IGFBP7: variants seen among roughly 807,000 people sequenced by gnomAD.
IGFBP7 encodes the protein insulin like growth factor binding protein 7.
In IGFBP7, 31 loss-of-function variants were observed where a neutral mutation model predicts 29.4. That is an observed-to-expected ratio of 1.05 (90% CI 0.79 to 1.42). The LOEUF is 1.42. IGFBP7 is among the 40% of genes most tolerant of loss of function. The pLI is 0.00. For missense variants in IGFBP7, 393 were observed against 395.5 expected (o/e 0.99, Z 0.05); for synonymous variants, 172 against 174.9 (o/e 0.98, Z 0.13).
At chr4:57,034,442 T>C (rs1241310910) in intron 2 of IGFBP7, among the ~76,000 whole-genome samples, 3 of 152,172 alleles carry the variant, frequency 2.0e-5, no homozygotes, top group Admixed American at 6.5e-5. Context: ...ATTACCTTTG[T>C]AATTAGAAAG....
chr4:57,110,103 C>A lies in IGFBP7; in HGVS notation c.249G>T (p.Pro83=). The change falls in exon 1 of 5, where the codon CCG becomes CCT. Residue 83 remains proline, a synonymous_variant. Coordinates refer to ENST00000295666, the MANE Select transcript of IGFBP7 (RefSeq NM_001553.3). The stretch of plus-strand genomic sequence containing the variant: ...TGCGGCTCTTCACGCACTCCATGCC[C>A]GGCGCGCAGTACCCCCTGCCGGCGC... ...GGGAGRGYCA[P]GMECVKSRKR... 6.5e-7 allele frequency: 1 copy of A among 1,533,448 alleles called. No individual in the cohort carries two copies. Among genetic ancestry groups the A allele is most frequent in the Non-Finnish European group, 8.7e-7 (1 of 1,146,796 alleles). 95.0% of individuals were successfully genotyped at this position (1,533,448 alleles called of 1,614,324 possible). A position where few individuals can be genotyped will look rare whatever the true frequency, so the allele number is the denominator to read the frequency against.
At chr4:57,050,506 A>G (rs569400773) in intron 1 of IGFBP7, among the ~76,000 whole-genome samples, 2 of 151,910 alleles carry the variant, frequency 1.3e-5, no homozygotes, top group Non-Finnish European at 2.9e-5. Flanking sequence ...CAGCCTCCCA[A>G]AGAGCTAGGA....
chr4:57,094,553 G>T (rs1725717569), intron 1 of IGFBP7, among the ~76,000 whole-genome samples: 1 of 152,162 alleles, frequency 6.6e-6, no homozygotes, highest in African/African-American at 2.4e-5. Context: ...TTGTAGGAGG[G>T]TGCAGGGCAA....
At chr4:57,101,813 C>T (rs1003903310) in intron 1 of IGFBP7, among the ~76,000 whole-genome samples, 5 of 151,902 alleles carry the variant, frequency 3.3e-5, no homozygotes, top group African/African-American at 1.2e-4. Flanking sequence ...GGAAGCTTCC[C>T]TTGAACATTT....
intron 1 of IGFBP7, among the ~76,000 whole-genome samples, chr4:57,046,730 C>T (rs188530545): frequency 8.6e-5 from 13 of 151,894 alleles, no homozygotes; most frequent in South Asian, 2.1e-4. Context: ...AATGACTGTG[C>T]GCTGCCTCCC....
chr4:57,105,464 C>T (rs529578785), intron 1 of IGFBP7, among the ~76,000 whole-genome samples: 1 of 152,302 alleles, frequency 6.6e-6, no homozygotes, highest in South Asian at 2.1e-4. Flanking sequence ...GGAGCAAAAT[C>T]TCCCTTCCCA....
At chr4:57,043,722 G>A (rs1347579899) in intron 1 of IGFBP7, among the ~76,000 whole-genome samples, 2 of 152,158 alleles carry the variant, frequency 1.3e-5, no homozygotes, top group Non-Finnish European at 2.9e-5. Context: ...TCCTGGCCAG[G>A]GGGCTTGGCT....
chr4:57,076,645 C>A (rs1725234224), intron 1 of IGFBP7, among the ~76,000 whole-genome samples: 1 of 152,134 alleles, frequency 6.6e-6, no homozygotes, highest in Non-Finnish European at 1.5e-5. Context: ...GTCTGAAAAC[C>A]AGCTTAGAAG....
rs368818343 is a variant in IGFBP7 at position 57,110,028 on chromosome 4, G to T, written c.324C>A (p.Ser108Arg). 6.4e-7 allele frequency: 1 copy of T among 1,556,066 alleles called. No individual in the cohort carries two copies. The highest frequency in any genetic ancestry group is 8.6e-7 in the Non-Finnish European group (1 of 1,156,978). Residue 108 changes from serine to arginine, a missense_variant, in exon 1 of 5, where the codon AGC becomes AGA. By Grantham distance (110) the Ser-to-Arg change is moderately radical (BLOSUM62 -1). Transcript: ENST00000295666. ...AGCGGCTCTTGCACACGCACACGCCGCTTACACCCGGACCGCCGGCTGCTG... is the reference window on the plus strand; with the variant it reads ...AGCGGCTCTTGCACACGCACACGCCTCTTACACCCGGACCGCCGGCTGCTG... ...AGAAAGGPGV[S>R]GVCVCKSRYP... is the part of the protein sequence containing the mutation.
intron 1 of IGFBP7, among the ~76,000 whole-genome samples, chr4:57,079,248 T>TA (rs869129419): frequency 6.7e-6 from 1 of 148,980 alleles, no homozygotes; most frequent in Non-Finnish European, 1.5e-5. Context: ...GTGTGTGTTT[T>TA]AAAAAAACAA....
chr4:57,109,422 T>C (rs1726116146), intron 1 of IGFBP7, among the ~76,000 whole-genome samples: 1 of 151,848 alleles, frequency 6.6e-6, no homozygotes, highest in Admixed American at 6.6e-5. Context: ...CAGAGCAAGA[T>C]CCTATCTTTT....
chr4:57,085,746 C>G (rs962999981), intron 1 of IGFBP7, among the ~76,000 whole-genome samples: 6 of 152,142 alleles, frequency 3.9e-5, no homozygotes, highest in African/African-American at 1.2e-4. Context: ...TTTTCCACAG[C>G]CTTACAAGGA....
chr4:57,080,177 C>T (rs929603008), intron 1 of IGFBP7, among the ~76,000 whole-genome samples: 5 of 152,112 alleles, frequency 3.3e-5, no homozygotes, highest in Non-Finnish European at 7.3e-5. Context: ...AATGAATGAA[C>T]CAATGACAAA....
chr4:57,057,883 C>T (rs570045193), intron 1 of IGFBP7, among the ~76,000 whole-genome samples: 14 of 152,334 alleles, frequency 9.2e-5, no homozygotes, highest in African/African-American at 3.4e-4. Context: ...TGAGCCAGTA[C>T]ATCAGCTGAA....
At position 57,030,838 on chromosome 4, in the gene IGFBP7, G is replaced by C; in HGVS notation, c.*479C>G. The C allele has an allele frequency of 1.1e-6, 1 of 915,514 alleles. No individual in the cohort carries two copies. The highest frequency in any genetic ancestry group is 1.8e-6 in the Non-Finnish European group (1 of 545,888). 56.7% of individuals were successfully genotyped at this position (915,514 alleles called of 1,614,324 possible). A position where few individuals can be genotyped will look rare whatever the true frequency, so the allele number is the denominator to read the frequency against. ...TACCAGATCTTTGTCTTTTTCTGGGGTAGAGAAGTGGGGTCACTTCAATAC... is the reference window on the plus strand; with the variant it reads ...TACCAGATCTTTGTCTTTTTCTGGGCTAGAGAAGTGGGGTCACTTCAATAC... On this transcript the variant is annotated 3_prime_UTR_variant, in exon 5 of 5. Transcript: ENST00000295666.
rs867419699 is a variant in IGFBP7 at position 57,109,888 on chromosome 4, G to A, written c.464C>T (p.Thr155Ile). 10 of 1,548,026 alleles carry A rather than the reference G, an allele frequency of 6.5e-6. No individual in the cohort carries two copies. The Middle Eastern group carries it at 7.6e-4, about 118-fold the overall frequency. Residue 155 changes from threonine (T) to isoleucine (I), a missense_variant, in exon 1 of 5, where the codon ACC becomes ATC. By Grantham distance (89) the Thr-to-Ile change is moderately conservative (BLOSUM62 -1). Transcript: ENST00000295666. The stretch of plus-strand genomic sequence containing the variant: ...GCGCTCGTGCCCACCTTGCTCGCAG[G>A]TGCCCTTGCTGACCTGGGTGATGGC... ...EKAITQVSKG[T>I]CEQGPSIVTP...
At chr4:57,050,705 C>G (rs901808156) in intron 1 of IGFBP7, among the ~76,000 whole-genome samples, 3 of 149,782 alleles carry the variant, frequency 2.0e-5, no homozygotes, top group Non-Finnish European at 4.4e-5. Context: ...CAACCATGCC[C>G]GGCTAATTAA....
chr4:57,032,672 C>G, intron 3 of IGFBP7, 120 bp from the exon 4 acceptor site: 4 of 806,758 alleles, frequency 5.0e-6, no homozygotes, highest in Non-Finnish European at 8.6e-6. Context: ...AGCAAAGGTA[C>G]TGCTAGAAGC....
intron 1 of IGFBP7, among the ~76,000 whole-genome samples, chr4:57,078,689 T>C (rs1293874580): frequency 6.6e-6 from 1 of 151,538 alleles, no homozygotes; most frequent in Admixed American, 6.6e-5. Context: ...GTTTAGGATT[T>C]TTTTTTTTTA....
Sources: gnomAD v4.1 joint callset for allele counts (sites outside exome capture counted in the v4.1 genomes callset) on GRCh38, gnomAD v4.1.1 for gene constraint, MANE v1.5 for transcripts, NCBI Gene and HGNC (gene_info 2026-07-23, HGNC 2026-07-21) for gene names.